ELMO1: variants seen among roughly 807,000 people sequenced by gnomAD.
ELMO1 encodes engulfment and cell motility 1, also known as engulfment and cell motility protein 1.
A neutral mutation model predicts 98.9 loss-of-function variants in ELMO1; 26 were observed. That is an observed-to-expected ratio of 0.26 (90% CI 0.19 to 0.36). ELMO1 has a LOEUF of 0.36. Among genes scored for constraint, ELMO1 ranks in the 10% least tolerant of loss-of-function variants. ELMO1 has a pLI of 1.00. For synonymous variants in ELMO1, 346 were observed against 346.0 expected (o/e 1.00, Z 0.00); for missense variants, 627 against 935.2 (o/e 0.67, Z 4.30).
chr7:37,094,838 T>G (rs1359282788), intron 15 of ELMO1, among the ~76,000 whole-genome samples: 2 of 152,206 alleles, frequency 1.3e-5, no homozygotes, highest in African/African-American at 2.4e-5. Flanking sequence ...ACAGTGCGGT[T>G]TGTGAGTAAT....
At chr7:36,949,307 C>G (rs1237787386) in intron 16 of ELMO1, among the ~76,000 whole-genome samples, 1 of 152,232 alleles carries the variant, frequency 6.6e-6, no homozygotes, top group African/African-American at 2.4e-5. Context: ...ATTCCCTTGC[C>G]TTGTGCCTTG....
intron 13 of ELMO1, among the ~76,000 whole-genome samples, chr7:37,207,715 G>T (rs1043718324): frequency 6.6e-6 from 1 of 151,764 alleles, no homozygotes; most frequent in East Asian, 1.9e-4. Context: ...GGCCGAGGTG[G>T]GTGGATCACC....
chr7:37,216,720 CA>C (rs1793305009), intron 10 of ELMO1, 25 bp from the exon 11 acceptor site: 1 of 1,613,496 alleles, frequency 6.2e-7, no homozygotes, highest in African/African-American at 1.3e-5. Context: ...CACACCCACA[CA>C]AAGGCTTAGG....
chr7:37,204,205 G>A, intron 13 of ELMO1: 2 of 456,180 alleles, frequency 4.4e-6, no homozygotes, highest in Non-Finnish European at 4.4e-6. Flanking sequence ...TCTTGGTCTT[G>A]CTGACTTCAA....
chr7:37,222,134 A>G (rs1793630507), intron 10 of ELMO1, among the ~76,000 whole-genome samples: 1 of 152,188 alleles, frequency 6.6e-6, no homozygotes, highest in Admixed American at 6.5e-5. Context: ...CCATCTGCAT[A>G]TTATCCCTCC....
At chr7:36,967,589 GGAGA>G (rs1258466002) in intron 16 of ELMO1, among the ~76,000 whole-genome samples, 1 of 152,112 alleles carries the variant, frequency 6.6e-6, no homozygotes, top group Non-Finnish European at 1.5e-5. Context: ...TCAGATTCAG[GGAGA>G]GAAAGGACAG....
chr7:36,956,463 A>G (rs1005397762), intron 16 of ELMO1, among the ~76,000 whole-genome samples: 14 of 152,216 alleles, frequency 9.2e-5, no homozygotes, highest in African/African-American at 3.4e-4. Context: ...TCCAAGAAGT[A>G]ATTTCAGACC....
Position 37,089,992 on chromosome 7 carries a change from C to T in ELMO1, c.1300+6627G>A, listed in dbSNP as rs79485477. Among the ~76,000 whole-genome samples the T allele has an allele frequency of 1.3e-3, 204 of 152,224 alleles. 1 individual carries two copies. The highest frequency in any genetic ancestry group is 4.3e-3 in the African/African-American group (178 of 41,520). On this transcript the variant is annotated intron_variant, in intron 15 of 21. Transcript: ENST00000310758. ...CGCCAAAGTGTCAGCCAAGAAAACA[C>T]GAGAGAAAGTGTGCTGAAAGTCTTC...
intron 16 of ELMO1, among the ~76,000 whole-genome samples, chr7:36,978,602 T>C (rs769567196): frequency 1.3e-5 from 2 of 152,122 alleles, no homozygotes; most frequent in Non-Finnish European, 2.9e-5. Flanking sequence ...TCCAGAAAGA[T>C]TTATGGGCCA....
chr7:36,983,937 A>T (rs1159480711), intron 16 of ELMO1, among the ~76,000 whole-genome samples: 1 of 152,042 alleles, frequency 6.6e-6, no homozygotes, highest in African/African-American at 2.4e-5. Flanking sequence ...TCCATGATCC[A>T]ATAATAGCTT....
intron 1 of ELMO1, among the ~76,000 whole-genome samples, chr7:37,408,805 A>C (rs768301754): frequency 6.6e-6 from 1 of 152,190 alleles, no homozygotes; most frequent in Non-Finnish European, 1.5e-5. Flanking sequence ...ATTTCCAGTC[A>C]CTCACAATGA....
At chr7:36,897,016 G>C (rs150621250) in intron 16 of ELMO1, among the ~76,000 whole-genome samples, 106 of 152,322 alleles carry the variant, frequency 7.0e-4, no homozygotes, top group African/African-American at 2.5e-3. Flanking sequence ...GAGTTATAGA[G>C]TGACCTCCAC....
intron 18 of ELMO1, among the ~76,000 whole-genome samples, chr7:36,881,585 G>A (rs534231761): frequency 1.5e-4 from 23 of 152,302 alleles, no homozygotes; most frequent in Non-Finnish European, 2.2e-4. Flanking sequence ...ATGAGAGTAC[G>A]TTAATAGCCA....
intron 1 of ELMO1, among the ~76,000 whole-genome samples, chr7:37,426,933 A>T (rs936552041): frequency 5.3e-5 from 8 of 152,056 alleles, no homozygotes; most frequent in East Asian, 3.9e-4. Context: ...TACCTAACTC[A>T]TTTTCAATGC....
intron 15 of ELMO1, chr7:37,033,450 GA>G: frequency 8.8e-6 from 4 of 453,366 alleles, no homozygotes; most frequent in Non-Finnish European, 1.8e-5. Flanking sequence ...AATGTTGAGC[GA>G]AAATGAAGCA....
chr7:36,955,802 T>C (rs1215674324), intron 16 of ELMO1, among the ~76,000 whole-genome samples: 2 of 152,326 alleles, frequency 1.3e-5, no homozygotes, highest in South Asian at 4.1e-4. Context: ...CTCTAGCCCA[T>C]TCCTATCCAA....
intron 16 of ELMO1, among the ~76,000 whole-genome samples, chr7:36,947,943 T>A (rs1317021544): frequency 6.6e-6 from 1 of 152,178 alleles, no homozygotes; most frequent in Non-Finnish European, 1.5e-5. Context: ...TATGGCAAAA[T>A]TAATGAAGGT....
intron 1 of ELMO1, among the ~76,000 whole-genome samples, chr7:37,415,375 C>G (rs1804168962): frequency 6.6e-6 from 1 of 152,174 alleles, no homozygotes; most frequent in Non-Finnish European, 1.5e-5. Context: ...AAAGATGTCC[C>G]TACATCTTCA....
At chr7:37,103,223 G>A (rs773989231) in intron 14 of ELMO1, among the ~76,000 whole-genome samples, 5 of 152,124 alleles carry the variant, frequency 3.3e-5, no homozygotes, top group East Asian at 1.9e-4. Flanking sequence ...TATTCTTATC[G>A]CTCTTGGGAA....
Sources: allele counts gnomAD v4.1 joint callset (sites outside exome capture counted in the v4.1 genomes callset), GRCh38; gene constraint gnomAD v4.1.1; transcripts MANE v1.5; gene names NCBI Gene and HGNC (gene_info 2026-07-23, HGNC 2026-07-21).